The following PPM1E variants were observed in gnomAD, a reference collection of about 807,000 sequenced individuals.
The protein encoded by PPM1E is protein phosphatase, Mg2+/Mn2+ dependent 1E.
Under a neutral mutation model 65.9 loss-of-function variants are expected in PPM1E, and 20 were observed. That is an observed-to-expected ratio of 0.30 (90% CI 0.21 to 0.44). The LOEUF (loss-of-function observed/expected upper bound fraction) is 0.44. Among genes scored for constraint, PPM1E ranks in the 20% least tolerant of loss-of-function variants. The pLI is 1.00. For synonymous variants in PPM1E, 352 were observed against 374.9 expected (o/e 0.94, Z 0.70); for missense variants, 713 against 953.1 (o/e 0.75, Z 3.32).
chr17:58,755,889 G>A lies in PPM1E; in HGVS notation c.-109G>A. ...AACCTAGTGCTGATCGCTCGTGCCG[G>A]TGCGGCCGTTAACCGCCCTTGCCGG... is the stretch of plus-strand genomic sequence containing the variant. On this transcript the variant is annotated 5_prime_UTR_variant, in exon 1 of 7. The change creates a new upstream start codon in the 5' untranslated region. Transcript: ENST00000308249. 6.6e-7 allele frequency: 1 copy of A among 1,525,256 alleles called. No individual in the cohort carries two copies. The highest frequency in any genetic ancestry group is 1.3e-5 in the South Asian group (1 of 76,630). 94.5% of individuals were successfully genotyped at this position (1,525,256 alleles called of 1,614,324 possible). A position where few individuals can be genotyped will look rare whatever the true frequency, so the allele number is the denominator to read the frequency against.
intron 1 of PPM1E, among the ~76,000 whole-genome samples, chr17:58,916,310 A>T (rs942482917): frequency 1.6e-4 from 24 of 152,210 alleles, no homozygotes; most frequent in African/African-American, 5.8e-4. Context: ...ATAAATAGAA[A>T]GTAATAGGAT....
chr17:58,883,110 C>A lies in PPM1E; in HGVS notation c.465-72539C>A, dbSNP rs530733378. ...AGCTGGGATTACAGGCGCCTGCCAC[C>A]ACGCCCAGCTAATTTTTTTGTGTTT... On this transcript the variant is annotated intron_variant, in intron 1 of 6. Transcript: ENST00000308249. Among the ~76,000 whole-genome samples, 58 of 151,948 alleles carry A rather than the reference C, an allele frequency of 3.8e-4. 1 individual carries two copies. The highest frequency in any genetic ancestry group is 6.2e-4 in the South Asian group (3 of 4,818).
intron 1 of PPM1E, among the ~76,000 whole-genome samples, chr17:58,917,103 G>T (rs981794070): frequency 6.6e-6 from 1 of 151,670 alleles, no homozygotes; most frequent in Non-Finnish European, 1.5e-5. Flanking sequence ...CCAACTACTC[G>T]GGAGGCTGAG....
chr17:58,926,874 A>T (rs1184513547), intron 1 of PPM1E, among the ~76,000 whole-genome samples: 1 of 152,142 alleles, frequency 6.6e-6, no homozygotes, highest in Non-Finnish European at 1.5e-5. Context: ...TATAATATGT[A>T]AATGTTATAT....
intron 1 of PPM1E, among the ~76,000 whole-genome samples, chr17:58,943,328 CA>C (rs1296358573): frequency 2.6e-5 from 4 of 152,046 alleles, no homozygotes; most frequent in Non-Finnish European, 4.4e-5. Flanking sequence ...AAAAAACACA[CA>C]AATAAAACAA....
At position 58,930,248 on chromosome 17, in the gene PPM1E, T is replaced by TACACACACACAC. The variant is rs563715161; in HGVS notation, c.465-25400_465-25399insCACACACACACA. Reference sequence around the variant, plus strand: ...CCACCTCTACAATAAATTAAATGTATATACACACACACACACACACACACA... The same window carrying TACACACACACAC: ...CCACCTCTACAATAAATTAAATGTATACACACACACACATACACACACACACACACACACACA... On this transcript the variant is annotated intron_variant, in intron 1 of 6. Coordinates refer to ENST00000308249, the MANE Select transcript of PPM1E (RefSeq NM_014906.5). Among the ~76,000 whole-genome samples, 385 of 142,148 alleles carry TACACACACACAC rather than the reference T, an allele frequency of 2.7e-3. 4 individuals carry two copies. The highest frequency in any genetic ancestry group is 8.4e-3 in the African/African-American group (320 of 38,192). The allele number at this position is 142,148 out of a possible 152,430, so 93.3% of individuals were successfully genotyped here.
rs1242862348 is a variant in PPM1E, at chr17:58,836,822, C to T, written c.464+80361C>T. Reference sequence around the variant, plus strand: ...GGATCACGAGGTCAGGAGATCGAGACCATCCTGGCTAACACGGTGAAACCC... The same window carrying T: ...GGATCACGAGGTCAGGAGATCGAGATCATCCTGGCTAACACGGTGAAACCC... On this transcript the variant is annotated intron_variant, in intron 1 of 6. Coordinates refer to ENST00000308249, the MANE Select transcript of PPM1E (RefSeq NM_014906.5). 4.1e-5 allele frequency among the ~76,000 whole-genome samples: 6 copies of T among 147,876 alleles called. No individual in the cohort carries two copies. The East Asian group carries it at 1.3e-3, about 32-fold the overall frequency.
intron 1 of PPM1E, among the ~76,000 whole-genome samples, chr17:58,859,017 C>G (rs1355579494): frequency 6.6e-6 from 1 of 152,190 alleles, no homozygotes; most frequent in African/African-American, 2.4e-5. Flanking sequence ...AGCGTTTATT[C>G]AAGTGCGAAA....
intron 1 of PPM1E, among the ~76,000 whole-genome samples, chr17:58,868,408 G>T (rs551028851): frequency 6.6e-6 from 1 of 152,186 alleles, no homozygotes; most frequent in East Asian, 1.9e-4. Context: ...AGCTTGGTTT[G>T]TTTTCCATTT....
chr17:58,909,668 C>A (rs1002336371), intron 1 of PPM1E, among the ~76,000 whole-genome samples: 1 of 152,118 alleles, frequency 6.6e-6, no homozygotes, highest in Non-Finnish European at 1.5e-5. Context: ...AAGATAGATA[C>A]AATTCTTCTC....
chr17:58,816,834 C>T (rs1260757203), intron 1 of PPM1E, among the ~76,000 whole-genome samples: 1 of 131,394 alleles, frequency 7.6e-6, no homozygotes, highest in Admixed American at 8.7e-5. Context: ...CTTACTCTGT[C>T]AGCCAGGTTG....
intron 1 of PPM1E, among the ~76,000 whole-genome samples, chr17:58,834,628 A>G (rs759082160): frequency 1.8e-4 from 27 of 152,184 alleles, no homozygotes; most frequent in Admixed American, 2.6e-4. Context: ...CAGTTGTCCC[A>G]TCACCACTTG....
At chr17:58,824,650 G>A (rs543379166) in intron 1 of PPM1E, among the ~76,000 whole-genome samples, 87 of 150,828 alleles carry the variant, frequency 5.8e-4, no homozygotes, top group African/African-American at 1.9e-3. Context: ...GTGCAGTGGC[G>A]TGATCTCAGC....
At chr17:58,890,190 C>G (rs1221023569) in intron 1 of PPM1E, among the ~76,000 whole-genome samples, 5 of 152,102 alleles carry the variant, frequency 3.3e-5, no homozygotes, top group Admixed American at 3.3e-4. Context: ...CTTAAAGATA[C>G]CGTATTAAAT....
rs2031272140 is a variant in PPM1E, at chr17:58,980,065, T to C, written c.1302T>C (p.Cys434=). The C allele has an allele frequency of 6.2e-7, 1 of 1,614,150 alleles. No individual in the cohort carries two copies. The highest frequency in any genetic ancestry group is 8.5e-7 in the Non-Finnish European group (1 of 1,180,022). ...CCGAAGACTACCTCATTCTGGCCTG[T>C]GATGGCTTCTATGACACCGTGAACC... ...DGTEDYLILA[C]DGFYDTVNPD... is the part of the protein sequence containing the mutation. The change falls in exon 7 of 7, where the codon TGT becomes TGC. Residue 434 remains cysteine, a synonymous_variant. Transcript: ENST00000308249. This position sits in a 1 kb window ranked among gnomAD's most constrained non-coding sequence, Gnocchi z 4.7.
At chr17:58,762,014 G>A (rs768758831) in intron 1 of PPM1E, among the ~76,000 whole-genome samples, 1 of 152,188 alleles carries the variant, frequency 6.6e-6, no homozygotes, top group East Asian at 1.9e-4. Context: ...TGTGAAGCAT[G>A]GTAAGTGTGG....
At chr17:58,899,418 A>C (rs1317275261) in intron 1 of PPM1E, 1 of 187,394 alleles carries the variant, frequency 5.3e-6, no homozygotes, top group Non-Finnish European at 1.2e-5. Flanking sequence ...TGGAATTTGC[A>C]AAGCTGCCAA....
chr17:58,863,140 T>A (rs890969298), intron 1 of PPM1E, among the ~76,000 whole-genome samples: 30 of 152,356 alleles, frequency 2.0e-4, no homozygotes, highest in African/African-American at 7.2e-4. Context: ...ATGGTGTCCA[T>A]TTTTAATGGA....
chr17:58,850,073 T>C (rs2050809979), intron 1 of PPM1E, among the ~76,000 whole-genome samples: 1 of 152,178 alleles, frequency 6.6e-6, no homozygotes, highest in Non-Finnish European at 1.5e-5. Context: ...TGGTTTAAAG[T>C]CTGTTATATC....
Sources: gnomAD v4.1 joint callset for allele counts (sites outside exome capture counted in the v4.1 genomes callset) on GRCh38, gnomAD v4.1.1 for gene constraint, Gnocchi (gnomAD v3.1) non-coding constraint, MANE v1.5 for transcripts, NCBI Gene and HGNC (gene_info 2026-07-23, HGNC 2026-07-21) for gene names.